Variants in AGBL4 observed in about 807,000 individuals in gnomAD.
The protein encoded by AGBL4 is cytosolic carboxypeptidase 6.
Under a neutral mutation model 66.4 loss-of-function variants are expected in AGBL4, and 58 were observed. The ratio of observed to expected loss-of-function variants is 0.87; its 90% CI spans 0.71 to 1.09. The LOEUF (loss-of-function observed/expected upper bound fraction) is 1.09, where lower values mean the gene tolerates loss of function less well. Among genes scored for constraint, AGBL4 ranks in the 50% least tolerant of loss-of-function variants. The pLI is 0.00. For missense variants in AGBL4, 579 were observed against 631.0 expected, an observed-to-expected ratio of 0.92 and a Z score of 0.88; for synonymous variants, 234 against 222.9, an observed-to-expected ratio of 1.05 and a Z score of -0.44.
chr1:49,506,098 G>T lies in AGBL4; in HGVS notation c.282+191215C>A, dbSNP rs184388766. Among the ~76,000 whole-genome samples, 322 of 151,990 alleles carry T rather than the reference G, an allele frequency of 2.1e-3. 3 individuals carry two copies. The highest frequency in any genetic ancestry group is 3.1e-3 in the Non-Finnish European group (211 of 67,972). ...TGTATCTCTCTCAGGGAAACAATAA[G>T]AAAAAGCTGATTTAGTGTATGTGTA... is the stretch of plus-strand genomic sequence containing the variant. On this transcript the variant is annotated intron_variant, in intron 3 of 13. Coordinates refer to ENST00000371839, the MANE Select transcript of AGBL4 (RefSeq NM_032785.4).
At chr1:49,916,897 C>G (rs1224618854) in intron 1 of AGBL4, among the ~76,000 whole-genome samples, 1 of 152,084 alleles carries the variant, frequency 6.6e-6, no homozygotes, top group Non-Finnish European at 1.5e-5. Flanking sequence ...CGGCAGAAAC[C>G]CTACAAGCCA....
rs147207608 is a variant in AGBL4, at chr1:48,726,143, G to A, written c.635-62902C>T. ...AACTGCCCTGTTCTCTTGAATATAT[G>A]CATCAAACATTACGCAAAGCACTTT... On this transcript the variant is annotated intron_variant, in intron 6 of 13. Coordinates refer to ENST00000371839, the MANE Select transcript of AGBL4 (RefSeq NM_032785.4). 8.3e-4 allele frequency among the ~76,000 whole-genome samples: 126 copies of A among 152,276 alleles called. 1 individual carries two copies. The East Asian group carries it at 0.02, about 24-fold the overall frequency.
intron 5 of AGBL4, among the ~76,000 whole-genome samples, chr1:48,878,499 T>G (rs1489533651): frequency 2.0e-5 from 3 of 152,218 alleles, no homozygotes; most frequent in African/African-American, 7.2e-5. Context: ...GTTAGCTAAG[T>G]GCTTGGAATT....
chr1:48,843,474 C>A (rs10788895), intron 6 of AGBL4, among the ~76,000 whole-genome samples: 50,732 of 151,896 alleles, frequency 0.33, 8,895 homozygotes, highest in East Asian at 0.71. Context: ...CCCATGACCA[C>A]CTGTTTTTGT....
At chr1:49,948,324 A>G (rs1481066959) in intron 1 of AGBL4, among the ~76,000 whole-genome samples, 2 of 112,104 alleles carry the variant, frequency 1.8e-5, no homozygotes, top group African/African-American at 7.4e-5. Context: ...ATATAAATAT[A>G]TAAACATATA....
chr1:49,085,281 T>A (rs1320115160), intron 4 of AGBL4, among the ~76,000 whole-genome samples: 3 of 151,538 alleles, frequency 2.0e-5, no homozygotes, highest in Non-Finnish European at 2.9e-5. Flanking sequence ...ATCATCATCA[T>A]CATCATCATC....
At chr1:49,783,827 C>CA (rs1208971987) in intron 2 of AGBL4, among the ~76,000 whole-genome samples, 4 of 151,838 alleles carry the variant, frequency 2.6e-5, no homozygotes, top group African/African-American at 7.2e-5. Flanking sequence ...ATCAACACAC[C>CA]AAAAAAATTT....
intron 6 of AGBL4, among the ~76,000 whole-genome samples, chr1:48,700,622 T>C (rs1646786440): frequency 6.6e-6 from 1 of 152,146 alleles, no homozygotes; most frequent in East Asian, 1.9e-4. Flanking sequence ...CTCTGCTGTG[T>C]TCCAAGATTA....
In AGBL4 at chr1:49,135,495, G is replaced by T. The variant is rs12037528; in HGVS notation, c.378-89695C>A. On this transcript the variant is annotated intron_variant, in intron 4 of 13. Transcript: ENST00000371839. ...GAAATCAGGGGTCTCACAGCCTTCA[G>T]AGCTGAGAGCCCTGAACAGAGATTT... Among the ~76,000 whole-genome samples, 8 of 152,204 alleles carry T rather than the reference G, an allele frequency of 5.3e-5. No homozygotes were observed. The East Asian group carries it at 1.4e-3, about 26-fold the overall frequency.
chr1:49,836,290 C>T (rs1482882137), intron 2 of AGBL4, among the ~76,000 whole-genome samples: 1 of 152,078 alleles, frequency 6.6e-6, no homozygotes, highest in Non-Finnish European at 1.5e-5. Flanking sequence ...CATTCTTTTT[C>T]TCTAATATTG....
chr1:48,835,888 T>C (rs148289493), intron 6 of AGBL4, among the ~76,000 whole-genome samples: 1 of 152,020 alleles, frequency 6.6e-6, no homozygotes, highest in African/African-American at 2.4e-5. Flanking sequence ...GAAGCCAGTA[T>C]GGAATGAATA....
chr1:48,928,378 T>G (rs190518887), intron 5 of AGBL4, among the ~76,000 whole-genome samples: 2 of 152,258 alleles, frequency 1.3e-5, no homozygotes, highest in African/African-American at 4.8e-5. Context: ...TCCCCCCAAT[T>G]TTAGTATGTA....
chr1:48,625,765 G>T (rs1645493328), intron 9 of AGBL4, among the ~76,000 whole-genome samples: 1 of 152,060 alleles, frequency 6.6e-6, no homozygotes. Context: ...GGGATGAAAA[G>T]GTGTTACAGA....
At chr1:48,931,063 T>C (rs767563189) in intron 5 of AGBL4, among the ~76,000 whole-genome samples, 1 of 152,208 alleles carries the variant, frequency 6.6e-6, no homozygotes, top group Non-Finnish European at 1.5e-5. Context: ...ATAACAAAAT[T>C]GAGCCCCAAA....
chr1:48,588,958 G>A (rs892036012), intron 10 of AGBL4, among the ~76,000 whole-genome samples: 2 of 152,156 alleles, frequency 1.3e-5, no homozygotes, highest in African/African-American at 4.8e-5. Flanking sequence ...CCAGAAATAA[G>A]GCTGTCAGAC....
rs545678298 is a variant in AGBL4 at position 49,680,793 on chromosome 1, A to AT, written c.282+16519dup. ...TTTTCAGCCATTATTTGTATGAATGATTTTCAGCTCCAGTCTCTTTCTCCT... is the reference window on the plus strand; with the variant it reads ...TTTTCAGCCATTATTTGTATGAATGATTTTTCAGCTCCAGTCTCTTTCTCCT... On this transcript the variant is annotated intron_variant, in intron 3 of 13. Transcript: ENST00000371839. Among the ~76,000 whole-genome samples the AT allele has an allele frequency of 4.1e-3, 627 of 152,144 alleles. 3 individuals are homozygous for AT. The highest frequency in any genetic ancestry group is 6.9e-3 in the Non-Finnish European group (472 of 67,990).
chr1:49,886,142 T>A (rs1381902709), intron 1 of AGBL4, among the ~76,000 whole-genome samples: 1 of 152,190 alleles, frequency 6.6e-6, no homozygotes, highest in Non-Finnish European at 1.5e-5. Flanking sequence ...GTATTATAGT[T>A]AATTACATAT....
chr1:49,175,198 A>T (rs888118661), intron 4 of AGBL4: 3 of 152,084 alleles, frequency 2.0e-5, no homozygotes, highest in African/African-American at 7.2e-5. Context: ...CTAAGAAATT[A>T]TTATAAAAAT....
intron 3 of AGBL4, among the ~76,000 whole-genome samples, chr1:49,515,042 C>G (rs1191399851): frequency 6.6e-6 from 1 of 152,050 alleles, no homozygotes; most frequent in African/African-American, 2.4e-5. Flanking sequence ...CAAATGGGAT[C>G]TAATTAAACT....
Sources: gnomAD v4.1 joint callset for allele counts (sites outside exome capture counted in the v4.1 genomes callset) on GRCh38, gnomAD v4.1.1 for gene constraint, MANE v1.5 for transcripts, NCBI Gene and HGNC (gene_info 2026-07-23, HGNC 2026-07-21) for gene names.